SULT6B1: variants seen among roughly 807,000 people sequenced by gnomAD.
SULT6B1 encodes sulfotransferase 6B1.
SULT6B1 carries 44 observed loss-of-function variants against 37.2 expected under a neutral mutation model. That is an observed-to-expected ratio of 1.18 (90% CI 0.93 to 1.52). The LOEUF is 1.52. Ranked by LOEUF, SULT6B1 falls within the 40% of genes most tolerant of loss-of-function variation. The probability of loss-of-function intolerance (pLI) is 0.00; values close to 1 mark genes in which losing one functional copy is unlikely to be tolerated. For synonymous variants in SULT6B1, 140 were observed against 126.0 expected (o/e 1.11, Z -0.74); for missense variants, 450 against 361.0 (o/e 1.25, Z -2.00).
chr2:37,171,701 C>T (rs1676307382), intron 5 of SULT6B1, 111 bp from the exon 6 acceptor site: 1 of 913,134 alleles, frequency 1.1e-6, no homozygotes, highest in South Asian at 1.8e-5. Flanking sequence ...TAGTTCATCT[C>T]ATCCCCCACT....
At chr2:37,184,183 A>G (rs111577401) in intron 2 of SULT6B1, among the ~76,000 whole-genome samples, 1 of 152,220 alleles carries the variant, frequency 6.6e-6, no homozygotes, top group Non-Finnish European at 1.5e-5. Flanking sequence ...TCTGTATTCA[A>G]GGTCTTTAAC....
At chr2:37,180,577 A>T (rs779014152) in intron 3 of SULT6B1, among the ~76,000 whole-genome samples, 6 of 152,204 alleles carry the variant, frequency 3.9e-5, no homozygotes, top group Non-Finnish European at 5.9e-5. Flanking sequence ...AATCAGGAGC[A>T]GTTAGGCATA....
upstream of SULT6B1, among the ~76,000 whole-genome samples, chr2:37,192,842 G>T (rs2540975): frequency 0.8 from 122,481 of 152,156 alleles, 49,807 homozygotes; most frequent in East Asian, 0.98. Context: ...ATTGGTAATG[G>T]GAACTCTGAT....
upstream of SULT6B1, among the ~76,000 whole-genome samples, chr2:37,193,327 C>T (rs887900469): frequency 1.7e-4 from 25 of 147,792 alleles, no homozygotes; most frequent in African/African-American, 4.2e-4. Flanking sequence ...CCAGGTGTGG[C>T]GGTGCGTGCC....
intron 5 of SULT6B1, among the ~76,000 whole-genome samples, chr2:37,172,855 C>T (rs1034515856): frequency 4.3e-5 from 6 of 137,992 alleles, no homozygotes; most frequent in South Asian, 4.6e-4. Context: ...TTTGGTTTTT[C>T]GTTTGTTTGT....
Position 37,180,879 on chromosome 2 carries a change from A to G in SULT6B1, c.403-1295T>C, listed in dbSNP as rs565463637. 2.8e-3 allele frequency among the ~76,000 whole-genome samples: 421 copies of G among 152,252 alleles called. 2 individuals carry two copies. The highest frequency in any genetic ancestry group is 9.7e-3 in the African/African-American group (401 of 41,552). ...ATCCTGGGCAGCAGAGCAAGACTCCATCTCAACAATAACAACAATAACAAA... is the reference window on the plus strand; with the variant it reads ...ATCCTGGGCAGCAGAGCAAGACTCCGTCTCAACAATAACAACAATAACAAA... On this transcript the variant is annotated intron_variant, in intron 3 of 6. Transcript: ENST00000535679.
intron 5 of SULT6B1, among the ~76,000 whole-genome samples, chr2:37,172,714 G>A (rs1197176674): frequency 6.6e-6 from 1 of 152,070 alleles, no homozygotes; most frequent in Admixed American, 6.5e-5. Flanking sequence ...CACCATGTTG[G>A]CCAGGCTGGT....
rs61737618 is a variant in SULT6B1 at position 37,179,502 on chromosome 2, T to C, written c.485A>G (p.Tyr162Cys). Residue 162 changes from tyrosine to cysteine, a missense_variant, in exon 4 of 7, where the codon TAT becomes TGT. By Grantham distance (194) the Tyr-to-Cys change is radical (BLOSUM62 -2). Coordinates refer to ENST00000535679, the MANE Select transcript of SULT6B1 (RefSeq NM_001367551.1). ...FHNDVPDIPS[Y>C]GSWDEFFRQF... is the part of the protein sequence containing the mutation. ...TCTGAAGAATTCATCCCAAGAGCCA[T>C]AGCTTGGAATATCGGGGACATCGTT... 539 of 1,613,972 alleles carry C rather than the reference T, an allele frequency of 3.3e-4. 1 individual carries two copies. The African/African-American group carries it at 6.6e-3, about 20-fold the overall frequency.
upstream of SULT6B1, among the ~76,000 whole-genome samples, chr2:37,193,405 T>C (rs970170825): frequency 2.0e-5 from 3 of 151,800 alleles, no homozygotes; most frequent in African/African-American, 7.3e-5. Context: ...GGGCTTGTAG[T>C]GAGCTGAGAT....
intron 5 of SULT6B1, among the ~76,000 whole-genome samples, chr2:37,172,992 A>C (rs1004393501): frequency 1.3e-5 from 2 of 151,984 alleles, no homozygotes; most frequent in African/African-American, 2.4e-5. Flanking sequence ...AGTTGGGATT[A>C]CAGGCACGCA....
intron 4 of SULT6B1, among the ~76,000 whole-genome samples, chr2:37,176,931 G>A (rs1292144912): frequency 2.0e-5 from 3 of 152,100 alleles, no homozygotes; most frequent in Non-Finnish European, 4.4e-5. Flanking sequence ...CCTTTTTCAT[G>A]ACCTAAAGGT....
chr2:37,168,157 G>T, intron 6 of SULT6B1, 92 bp from the exon 7 acceptor site: 3 of 1,264,912 alleles, frequency 2.4e-6, no homozygotes, highest in Non-Finnish European at 2.1e-6. Context: ...ACTCTGATAT[G>T]TTAAAATGGA....
chr2:37,171,132 C>T (rs1676287823), intron 6 of SULT6B1, among the ~76,000 whole-genome samples: 4 of 151,970 alleles, frequency 2.6e-5, no homozygotes, highest in Admixed American at 6.6e-5. Flanking sequence ...CCCAGCTACT[C>T]GGGAGGCTGA....
At chr2:37,168,093 A>G in intron 6 of SULT6B1, 28 bp from the exon 7 acceptor site, 1 of 1,549,536 alleles carries the variant, frequency 6.5e-7, no homozygotes, top group Non-Finnish European at 8.7e-7. Context: ...CAGTAGACCC[A>G]GATATCTGTT....
chr2:37,187,317 G>C (rs752986432), intron 2 of SULT6B1, 38 bp downstream of exon 2: 1 of 1,305,614 alleles, frequency 7.7e-7, no homozygotes, highest in South Asian at 1.3e-5. Context: ...ATCTTTCTAT[G>C]ATAATTTGCT....
At chr2:37,186,891 A>G (rs978360673) in intron 2 of SULT6B1, among the ~76,000 whole-genome samples, 1 of 152,174 alleles carries the variant, frequency 6.6e-6, no homozygotes, top group African/African-American at 2.4e-5. Flanking sequence ...GTGAGACTCC[A>G]TTTCAAATAG....
At chr2:37,174,147 A>G (rs1676363392) in intron 5 of SULT6B1, among the ~76,000 whole-genome samples, 1 of 149,624 alleles carries the variant, frequency 6.7e-6, no homozygotes, top group Non-Finnish European at 1.5e-5. Flanking sequence ...CCAGTTACCT[A>G]CTTGGCTCAC....
At chr2:37,171,632 A>G (rs765781613) in intron 5 of SULT6B1, 42 bp from the exon 6 acceptor site, 1 of 1,594,552 alleles carries the variant, frequency 6.3e-7, no homozygotes, top group Non-Finnish European at 8.6e-7. Flanking sequence ...TTCCTATGGA[A>G]ATTGTTCTCT....
upstream of SULT6B1, among the ~76,000 whole-genome samples, chr2:37,190,332 C>G (rs1676756677): frequency 6.6e-6 from 1 of 151,998 alleles, no homozygotes; most frequent in Admixed American, 6.6e-5. Context: ...CTGTATTTAC[C>G]TTTCTCTTAA....
Sources: gnomAD v4.1 joint callset for allele counts (sites outside exome capture counted in the v4.1 genomes callset) on GRCh38, gnomAD v4.1.1 for gene constraint, MANE v1.5 for transcripts, NCBI Gene and HGNC (gene_info 2026-07-23, HGNC 2026-07-21) for gene names.